MAMDC2: variants seen among roughly 807,000 people sequenced by gnomAD.
MAMDC2 encodes MAM domain-containing protein 2.
Under a neutral mutation model 89.8 loss-of-function variants are expected in MAMDC2, and 57 were observed. The ratio of observed to expected loss-of-function variants is 0.63; its 90% CI spans 0.51 to 0.79. The LOEUF is 0.79. Among genes scored for constraint, MAMDC2 ranks in the 30% least tolerant of loss-of-function variants. The pLI is 0.00. For missense variants in MAMDC2, 800 were observed against 820.6 expected (o/e 0.97, Z 0.31); for synonymous variants, 313 against 293.4 (o/e 1.07, Z -0.68).
At chr9:70,130,876 C>A (rs566200042) in intron 6 of MAMDC2, among the ~76,000 whole-genome samples, 19 of 152,248 alleles carry the variant, frequency 1.2e-4, no homozygotes, top group African/African-American at 4.3e-4. Flanking sequence ...CTAATTAGTT[C>A]TGTAGTTCTA....
chr9:70,170,529 A>G lies in MAMDC2; in HGVS notation c.1549A>G (p.Thr517Ala). Residue 517 changes from threonine to alanine, a missense_variant, in exon 11 of 14, where the codon ACA (threonine) becomes GCA (alanine). Thr to Ala is a moderately conservative substitution (Grantham distance 58, BLOSUM62 0). Coordinates refer to ENST00000377182, the MANE Select transcript of MAMDC2 (RefSeq NM_153267.5). ...GECTFEQDEC[T>A]FTQEKRNRSS... ...GTGTACTTTCGAGCAAGATGAATGT[A>G]CATTTACTCAGGAGAAAAGAAACCG... 1 of 1,613,270 alleles carries G rather than the reference A, an allele frequency of 6.2e-7. No individual in the cohort carries two copies. The highest frequency in any genetic ancestry group is 8.5e-7 in the Non-Finnish European group (1 of 1,179,846).
chr9:70,094,396 A>G (rs1271886470), intron 2 of MAMDC2, among the ~76,000 whole-genome samples: 2 of 152,374 alleles, frequency 1.3e-5, no homozygotes, highest in South Asian at 2.1e-4. Context: ...CAAACTCTGC[A>G]TTCCAGAAAG....
At chr9:70,107,749 T>C (rs1009977459) in intron 2 of MAMDC2, among the ~76,000 whole-genome samples, 9 of 152,196 alleles carry the variant, frequency 5.9e-5, no homozygotes, top group Non-Finnish European at 1.0e-4. Flanking sequence ...GGGAGAGCTA[T>C]GTAAGGAGAA....
chr9:70,151,888 T>G (rs2118452743), intron 9 of MAMDC2, among the ~76,000 whole-genome samples: 1 of 152,300 alleles, frequency 6.6e-6, no homozygotes. Context: ...CCTATGCTTT[T>G]TGTGACCTCT....
intron 11 of MAMDC2, among the ~76,000 whole-genome samples, chr9:70,175,219 T>C (rs1384645592): frequency 1.3e-5 from 2 of 152,130 alleles, no homozygotes; most frequent in Non-Finnish European, 2.9e-5. Flanking sequence ...AGGTGAACAA[T>C]GATGGTAAAT....
chr9:70,126,139 T>G lies in MAMDC2; in HGVS notation c.644-20T>G, dbSNP rs746014460. ...CCACCCCCAACTCTTAACACTGTGC[T>G]CTGTCTGTGTGATTTTCAGGCCACT... On this transcript the variant is annotated intron_variant, in intron 5 of 13. Transcript: ENST00000377182. The G allele has an allele frequency of 1.3e-6, 2 of 1,591,498 alleles. No individual in the cohort carries two copies. The highest frequency in any genetic ancestry group is 1.7e-6 in the Non-Finnish European group (2 of 1,164,816).
At chr9:70,103,560 T>G (rs1202228749) in intron 2 of MAMDC2, among the ~76,000 whole-genome samples, 1 of 152,054 alleles carries the variant, frequency 6.6e-6, no homozygotes, top group Non-Finnish European at 1.5e-5. Context: ...GCTGTAAATC[T>G]TCGTGACCTT....
Position 70,126,188 on chromosome 9 carries a change from G to A in MAMDC2, c.673G>A (p.Val225Met). The change falls in exon 6 of 14, where the codon GTG (valine) becomes ATG (methionine). Residue 225 changes from valine (V) to methionine (M), a missense_variant. By Grantham distance (21) the Val-to-Met change is conservative. Coordinates refer to ENST00000377182, the MANE Select transcript of MAMDC2 (RefSeq NM_153267.5). The part of the protein sequence containing the change: ...GHYMYVDSVY[V>M]KHFQEVAQLI... ...CTACATGTACGTGGACTCAGTTTAT[G>A]TGAAGCACTTCCAGGAGGTGGCACA... The A allele has an allele frequency of 6.2e-7, 1 of 1,608,590 alleles. No individual in the cohort carries two copies. The highest frequency in any genetic ancestry group is 8.5e-7 in the Non-Finnish European group (1 of 1,177,358).
At position 70,056,946 on chromosome 9, in the gene MAMDC2, C is replaced by T. The variant is rs769307724; in HGVS notation, c.148+12249C>T. ...CTGATGATCTGTCACTGCCTCCCATCGCCCCTAGATGCAACTTTCTAGTTG... is the reference window on the plus strand; with the variant it reads ...CTGATGATCTGTCACTGCCTCCCATTGCCCCTAGATGCAACTTTCTAGTTG... On this transcript the variant is annotated intron_variant, in intron 2 of 13. Transcript: ENST00000377182. Among the ~76,000 whole-genome samples, 12 of 152,336 alleles carry T rather than the reference C, an allele frequency of 7.9e-5. No homozygotes were observed. The East Asian group carries it at 1.3e-3, about 17-fold the overall frequency.
intron 9 of MAMDC2, among the ~76,000 whole-genome samples, chr9:70,149,139 A>T (rs1164619536): frequency 7.2e-6 from 1 of 138,226 alleles, no homozygotes; most frequent in Non-Finnish European, 1.5e-5. Context: ...TGAACCCAGG[A>T]GGTGGATGGA....
At chr9:70,074,443 T>C (rs3015165) in intron 2 of MAMDC2, among the ~76,000 whole-genome samples, 29,476 of 152,168 alleles carry the variant, frequency 0.19, 4,156 homozygotes, top group African/African-American at 0.39. Flanking sequence ...AAGTGGGCAA[T>C]ACCCTGAGGG....
chr9:70,081,241 G>T (rs1344099154), intron 2 of MAMDC2, among the ~76,000 whole-genome samples: 1 of 151,978 alleles, frequency 6.6e-6, no homozygotes, highest in Non-Finnish European at 1.5e-5. Flanking sequence ...ATGTGGTTTG[G>T]TCTAGTGATA....
At chr9:70,210,960 C>G (rs371145596) in intron 11 of MAMDC2, among the ~76,000 whole-genome samples, 4 of 152,292 alleles carry the variant, frequency 2.6e-5, no homozygotes, top group East Asian at 3.9e-4. Flanking sequence ...TATTGGCCCC[C>G]ACTCTCTTCT....
chr9:70,056,896 C>T (rs747875052), intron 2 of MAMDC2, among the ~76,000 whole-genome samples: 7 of 152,276 alleles, frequency 4.6e-5, no homozygotes, highest in Admixed American at 1.3e-4. Flanking sequence ...ATCTAGGTTG[C>T]GTGCTCCTTA....
chr9:70,131,871 A>G (rs1313284997), intron 7 of MAMDC2, among the ~76,000 whole-genome samples: 1 of 152,190 alleles, frequency 6.6e-6, no homozygotes, highest in Non-Finnish European at 1.5e-5. Context: ...GGAAAAGAAA[A>G]TTAAATAATA....
At chr9:70,179,994 C>T (rs1416832271) in intron 11 of MAMDC2, among the ~76,000 whole-genome samples, 2 of 151,234 alleles carry the variant, frequency 1.3e-5, no homozygotes, top group Non-Finnish European at 2.9e-5. Context: ...GTTTTAAGCC[C>T]TGCATGCATT....
chr9:70,114,637 G>A (rs144178574), intron 5 of MAMDC2, among the ~76,000 whole-genome samples: 30 of 152,188 alleles, frequency 2.0e-4, no homozygotes, highest in African/African-American at 3.6e-4. Context: ...TAAAACAAAC[G>A]CAACTTTAAA....
chr9:70,058,416 C>T (rs2118017630), intron 2 of MAMDC2, among the ~76,000 whole-genome samples: 1 of 152,186 alleles, frequency 6.6e-6, no homozygotes, highest in Non-Finnish European at 1.5e-5. Flanking sequence ...TCAAAGGGTC[C>T]TTGTGATAGA....
intron 11 of MAMDC2, among the ~76,000 whole-genome samples, chr9:70,206,715 GGTGTGCT>G (rs2033232097): frequency 6.6e-6 from 1 of 151,872 alleles, no homozygotes; most frequent in South Asian, 2.1e-4. Flanking sequence ...GTGCCATGTT[GGTGTGCT>G]GCACCCATTA....
Sources: allele counts gnomAD v4.1 joint callset (sites outside exome capture counted in the v4.1 genomes callset), GRCh38; gene constraint gnomAD v4.1.1; transcripts MANE v1.5; gene names NCBI Gene and HGNC (gene_info 2026-07-23, HGNC 2026-07-21).